The following TANC2 variants were observed in gnomAD, a reference collection of about 807,000 sequenced individuals.
The protein encoded by TANC2 is tetratricopeptide repeat, ankyrin repeat and coiled-coil containing 2.
Under a neutral mutation model 210.5 loss-of-function variants are expected in TANC2, and 26 were observed. The ratio of observed to expected loss-of-function variants is 0.12; its 90% CI spans 0.09 to 0.17. The LOEUF (loss-of-function observed/expected upper bound fraction) is 0.17. Ranked by LOEUF, TANC2 falls within the 10% of genes least tolerant of loss-of-function variation. The pLI is 1.00. For synonymous variants in TANC2, 931 were observed against 967.1 expected, an observed-to-expected ratio of 0.96 and a Z score of 0.69; for missense variants, 2,129 against 2,608.9, an observed-to-expected ratio of 0.82 and a Z score of 4.01.
intron 5 of TANC2, among the ~76,000 whole-genome samples, chr17:63,164,159 G>A (rs1050459612): frequency 1.5e-5 from 2 of 134,700 alleles, no homozygotes; most frequent in African/African-American, 5.5e-5. Context: ...GTAAGAGACA[G>A]TATCTCGCTT....
At chr17:63,040,985 C>T (rs933820553) in intron 2 of TANC2, among the ~76,000 whole-genome samples, 44 of 152,250 alleles carry the variant, frequency 2.9e-4, no homozygotes, top group African/African-American at 1.0e-3. Context: ...TTATTCCATG[C>T]TAAAGACATT....
intron 3 of TANC2, 73 bp from the exon 4 acceptor site, chr17:63,099,102 C>T: frequency 7.1e-7 from 1 of 1,399,992 alleles, no homozygotes; most frequent in Non-Finnish European, 9.9e-7. Context: ...CTGGATTATC[C>T]TATAAGATGT....
At chr17:63,340,407 G>T in intron 12 of TANC2, 75 bp downstream of exon 12, 2 of 1,255,034 alleles carry the variant, frequency 1.6e-6, no homozygotes. Flanking sequence ...CTATAAAAAT[G>T]ATTGATTTTA....
At chr17:63,165,800 A>G (rs573547678) in intron 5 of TANC2, among the ~76,000 whole-genome samples, 1 of 152,346 alleles carries the variant, frequency 6.6e-6, no homozygotes, top group African/African-American at 2.4e-5. Context: ...CAGGCCAATA[A>G]GGGAATAATA....
chr17:63,341,709 G>A (rs2046233811), intron 12 of TANC2, among the ~76,000 whole-genome samples: 1 of 152,180 alleles, frequency 6.6e-6, no homozygotes, highest in Non-Finnish European at 1.5e-5. Flanking sequence ...TTCTTCCCCA[G>A]TCTCTCCAGT....
intron 2 of TANC2, among the ~76,000 whole-genome samples, chr17:63,022,453 C>T (rs1362579938): frequency 1.3e-5 from 2 of 151,852 alleles, no homozygotes; most frequent in South Asian, 4.2e-4. Flanking sequence ...GCTATGGGAG[C>T]AAAGGGATGA....
chr17:63,279,093 A>G (rs2043982026), intron 9 of TANC2, among the ~76,000 whole-genome samples: 1 of 152,120 alleles, frequency 6.6e-6, no homozygotes, highest in Non-Finnish European at 1.5e-5. Context: ...TTTGTGCTTT[A>G]ATTAGCCTCT....
At chr17:63,011,547 A>G (rs1017674587) in intron 2 of TANC2, among the ~76,000 whole-genome samples, 2 of 151,860 alleles carry the variant, frequency 1.3e-5, no homozygotes, top group Admixed American at 1.3e-4. Context: ...AATTTTTTTT[A>G]TTTCTCCTGC....
chr17:63,289,563 C>A (rs2044323364), intron 9 of TANC2, among the ~76,000 whole-genome samples: 1 of 152,114 alleles, frequency 6.6e-6, no homozygotes, highest in Admixed American at 6.6e-5. Flanking sequence ...CTTAGGATTT[C>A]CATCTCTTTG....
At chr17:63,371,944 C>T (rs557742473) in intron 14 of TANC2, among the ~76,000 whole-genome samples, 5 of 152,180 alleles carry the variant, frequency 3.3e-5, no homozygotes, top group Non-Finnish European at 7.3e-5. Flanking sequence ...AGGGACTACT[C>T]ATGCCTACAA....
chr17:63,177,277 A>C (rs965306330), intron 5 of TANC2, among the ~76,000 whole-genome samples: 9 of 151,498 alleles, frequency 5.9e-5, no homozygotes, highest in South Asian at 2.1e-4. Flanking sequence ...AAAAAAAAAA[A>C]AAAAAACACA....
At chr17:63,411,784 C>A in intron 22 of TANC2, 98 bp downstream of exon 22, 1 of 1,468,208 alleles carries the variant, frequency 6.8e-7, no homozygotes, top group Non-Finnish European at 9.2e-7. Context: ...TTGATGATTC[C>A]TGATACAGAG....
chr17:63,305,748 A>G (rs2044880281), intron 9 of TANC2: 1 of 152,258 alleles, frequency 6.6e-6, no homozygotes, highest in Non-Finnish European at 1.5e-5. Context: ...GGAAGATACT[A>G]TGAAGAAGAT....
At chr17:63,206,361 A>G (rs2041711299) in intron 7 of TANC2, among the ~76,000 whole-genome samples, 1 of 152,218 alleles carries the variant, frequency 6.6e-6, no homozygotes, top group South Asian at 2.1e-4. Flanking sequence ...TATATACCTG[A>G]AAGTATTGAA....
chr17:63,186,639 A>T (rs2040997018), intron 5 of TANC2, among the ~76,000 whole-genome samples: 1 of 152,186 alleles, frequency 6.6e-6, no homozygotes, highest in East Asian at 1.9e-4. Flanking sequence ...TACAGGCGTG[A>T]GCCACCGCAC....
At chr17:63,323,597 A>G (rs781480443) in intron 11 of TANC2, among the ~76,000 whole-genome samples, 1 of 152,176 alleles carries the variant, frequency 6.6e-6, no homozygotes, top group Non-Finnish European at 1.5e-5. Context: ...AATTCACGAG[A>G]CAAGGAGAAG....
At chr17:63,322,510 C>G (rs1221456492) in intron 11 of TANC2, among the ~76,000 whole-genome samples, 1 of 152,132 alleles carries the variant, frequency 6.6e-6, no homozygotes, top group African/African-American at 2.4e-5. Context: ...AAAAAAAGAA[C>G]AGACTAATAT....
chr17:63,210,979 G>A (rs1260643081), intron 7 of TANC2, among the ~76,000 whole-genome samples: 2 of 151,970 alleles, frequency 1.3e-5, no homozygotes, highest in Non-Finnish European at 2.9e-5. Flanking sequence ...ACAGATACCT[G>A]AGAGGAGCCC....
intron 9 of TANC2, among the ~76,000 whole-genome samples, chr17:63,271,180 G>A (rs2043691695): frequency 6.6e-6 from 1 of 152,082 alleles, no homozygotes; most frequent in Admixed American, 6.6e-5. Context: ...AATATACCCA[G>A]TGATTTCACT....
Sources: allele counts gnomAD v4.1 joint callset (sites outside exome capture counted in the v4.1 genomes callset), GRCh38; gene constraint gnomAD v4.1.1; transcripts MANE v1.5; gene names NCBI Gene and HGNC (gene_info 2026-07-23, HGNC 2026-07-21).